Variants in NNMT observed in about 807,000 individuals in gnomAD.
NNMT encodes the protein nicotinamide N-methyltransferase.
A neutral mutation model predicts 11.7 loss-of-function variants in NNMT; 10 were observed. The observed-to-expected ratio is 0.85, with a 90% CI of 0.53 to 1.45. The LOEUF (loss-of-function observed/expected upper bound fraction) is 1.45, where lower values mean the gene tolerates loss of function less well. NNMT is among the 40% of genes most tolerant of loss of function. NNMT has a pLI of 0.00. For synonymous variants in NNMT, 143 were observed against 133.8 expected, an observed-to-expected ratio of 1.07 and a Z score of -0.48; for missense variants, 381 against 319.4, an observed-to-expected ratio of 1.19 and a Z score of -1.47.
At chr11:114,291,322 T>C (rs755789042) in intron 2 of NNMT, among the ~76,000 whole-genome samples, 1 of 152,182 alleles carries the variant, frequency 6.6e-6, no homozygotes, top group Non-Finnish European at 1.5e-5. Flanking sequence ...CTCTGCTACA[T>C]TTTGCACAAT....
intron 2 of NNMT, among the ~76,000 whole-genome samples, chr11:114,276,226 G>T (rs893694494): frequency 6.6e-6 from 1 of 152,058 alleles, no homozygotes; most frequent in Admixed American, 6.5e-5. Flanking sequence ...CATGGTGGGG[G>T]ACAAGAGGTT....
chr11:114,285,922 C>A (rs1228862724), intron 2 of NNMT, among the ~76,000 whole-genome samples: 2 of 152,198 alleles, frequency 1.3e-5, no homozygotes, highest in African/African-American at 4.8e-5. Flanking sequence ...TCTGTGTCAT[C>A]TCTGAAGCAT....
At chr11:114,295,015 G>T (rs1047656866), upstream of NNMT, among the ~76,000 whole-genome samples, 2 of 152,192 alleles carry the variant, frequency 1.3e-5, no homozygotes, top group Non-Finnish European at 2.9e-5. Flanking sequence ...AACCGGTAGG[G>T]ATTTTTTTAT....
upstream of NNMT, chr11:114,296,231 C>T (rs1298578652): frequency 4.6e-6 from 1 of 219,058 alleles, no homozygotes; most frequent in Non-Finnish European, 9.1e-6. Context: ...AGTGCTCCCT[C>T]TGGTCTACAA....
chr11:114,273,088 T>C (rs944854088), intron 2 of NNMT, among the ~76,000 whole-genome samples: 2 of 152,176 alleles, frequency 1.3e-5, no homozygotes, highest in East Asian at 3.9e-4. Context: ...ACTACTGTAG[T>C]GTGGTATGTT....
intron 2 of NNMT, among the ~76,000 whole-genome samples, chr11:114,268,537 G>A (rs773678673): frequency 3.9e-5 from 6 of 152,234 alleles, no homozygotes; most frequent in African/African-American, 9.6e-5. Flanking sequence ...TTGGGAAGCC[G>A]AGGTGGGCGG....
At chr11:114,285,210 G>A (rs189578428) in intron 2 of NNMT, among the ~76,000 whole-genome samples, 5 of 152,124 alleles carry the variant, frequency 3.3e-5, no homozygotes, top group African/African-American at 9.7e-5. Context: ...TATTTGAGAC[G>A]CTGGAGTATT....
At chr11:114,294,721 C>T (rs1345581593), upstream of NNMT, among the ~76,000 whole-genome samples, 1 of 151,572 alleles carries the variant, frequency 6.6e-6, no homozygotes, top group Non-Finnish European at 1.5e-5. Context: ...AATATATACA[C>T]CTACTCTGTA....
chr11:114,311,295 G>A (rs192988504), intron 2 of NNMT, among the ~76,000 whole-genome samples: 108 of 152,244 alleles, frequency 7.1e-4, no homozygotes, highest in African/African-American at 2.2e-3. Context: ...GCGCCACTGC[G>A]CTCCATCCTG....
chr11:114,286,576 T>C (rs1204995116), intron 2 of NNMT, among the ~76,000 whole-genome samples: 1 of 152,262 alleles, frequency 6.6e-6, no homozygotes, highest in Admixed American at 6.5e-5. Flanking sequence ...AAAGGAAGTC[T>C]TTCTTGGGAC....
rs1441795584 is a variant in NNMT, at chr11:114,313,391, G to A, written c.*914G>A. On this transcript the variant is annotated 3_prime_UTR_variant, in exon 3 of 3. Transcript: ENST00000299964. ...AGCTACTCAGGAGGCTGAAGTGGGA[G>A]GATGGCTTGAGCCCGGGAGGCGGAG... 3 of 152,242 alleles carry A rather than the reference G, an allele frequency of 2.0e-5. No homozygotes were observed. The highest frequency in any genetic ancestry group is 7.2e-5 in the African/African-American group (3 of 41,440). 9.4% of individuals were successfully genotyped at this position (152,242 alleles called of 1,614,324 possible). A position where few individuals can be genotyped will look rare whatever the true frequency, so the allele number is the denominator to read the frequency against.
intron 1 of NNMT, among the ~76,000 whole-genome samples, chr11:114,262,010 AGAGTGCCCCTAGGGCT>A (rs1945087230): frequency 6.6e-6 from 1 of 152,110 alleles, no homozygotes; most frequent in Admixed American, 6.5e-5. Flanking sequence ...GAAGGAGCCC[AGAGTGCCCCTAGGGCT>A]GGGTCACTGA....
intron 2 of NNMT, among the ~76,000 whole-genome samples, chr11:114,268,192 C>T (rs528609766): frequency 6.6e-6 from 1 of 152,298 alleles, no homozygotes; most frequent in East Asian, 1.9e-4. Flanking sequence ...TTCTGAGACA[C>T]CTGGGAGCTA....
At position 114,298,002 on chromosome 11, in the gene NNMT, A is replaced by C. The variant is rs757636330; in HGVS notation, c.206A>C (p.Tyr69Ser). Residue 69 changes from tyrosine (Y) to serine (S), a missense_variant, in exon 2 of 3, where the codon TAT (tyrosine) becomes TCT (serine). Physicochemically the swap from Tyr to Ser is moderately radical, Grantham distance 144. Transcript: ENST00000299964. Reference sequence around the variant, plus strand: ...GACATCGGCTCTGGCCCCACTATCTATCAGCTCCTCTCTGCTTGTGAATCC... The same window carrying C: ...GACATCGGCTCTGGCCCCACTATCTCTCAGCTCCTCTCTGCTTGTGAATCC... ...LIDIGSGPTI[Y>S]QLLSACESFK... is the part of the protein sequence containing the mutation. 6.2e-7 allele frequency: 1 copy of C among 1,613,776 alleles called. No homozygotes were observed. The highest frequency in any genetic ancestry group is 1.7e-5 in the Admixed American group (1 of 60,014).
intron 2 of NNMT, 52 bp from the exon 3 acceptor site, chr11:114,311,993 G>A (rs557004768): frequency 4.0e-6 from 6 of 1,515,798 alleles, no homozygotes; most frequent in Non-Finnish European, 5.3e-6. Flanking sequence ...AAGAGATCTG[G>A]GTTCCCCATG....
chr11:114,297,864 C>T (rs1945397299), intron 1 of NNMT, 87 bp from the exon 2 acceptor site: 3 of 1,115,312 alleles, frequency 2.7e-6, no homozygotes, highest in South Asian at 1.3e-5. Context: ...ATCGCCAGCA[C>T]AGTCCCAGGG....
chr11:114,259,558 TG>T (rs1444818048), intron 1 of NNMT, among the ~76,000 whole-genome samples: 4 of 152,120 alleles, frequency 2.6e-5, no homozygotes, highest in Non-Finnish European at 5.9e-5. Context: ...CCTTGGCCCA[TG>T]GGGGCAGGTC....
chr11:114,290,061 C>T (rs1378599607), intron 2 of NNMT, among the ~76,000 whole-genome samples: 5 of 152,140 alleles, frequency 3.3e-5, no homozygotes, highest in Non-Finnish European at 7.3e-5. Context: ...GAGGCCTCTA[C>T]CTTCATGACC....
intron 2 of NNMT, among the ~76,000 whole-genome samples, chr11:114,282,177 T>C (rs1483458206): frequency 6.6e-6 from 1 of 152,190 alleles, no homozygotes; most frequent in Non-Finnish European, 1.5e-5. Context: ...TGAGTTGTGA[T>C]TGCACCACTG....
Sources: allele counts gnomAD v4.1 joint callset (sites outside exome capture counted in the v4.1 genomes callset), GRCh38; gene constraint gnomAD v4.1.1; transcripts MANE v1.5; gene names NCBI Gene and HGNC (gene_info 2026-07-23, HGNC 2026-07-21).